The following DYSF variants were observed in gnomAD, a reference collection of about 807,000 sequenced individuals.
DYSF encodes dysferlin.
Under a neutral mutation model 274.9 loss-of-function variants are expected in DYSF, and 212 were observed. The ratio of observed to expected loss-of-function variants is 0.77; its 90% CI spans 0.69 to 0.86. DYSF has a LOEUF of 0.86. Ranked by LOEUF, DYSF falls within the 40% of genes least tolerant of loss-of-function variation. DYSF has a pLI of 0.00. For missense variants in DYSF, 2,666 were observed against 2,783.2 expected (o/e 0.96, Z 0.95); for synonymous variants, 1,091 against 1,078.7 (o/e 1.01, Z -0.22).
At chr2:71,493,905 G>A (rs993200034) in intron 3 of DYSF, among the ~76,000 whole-genome samples, 4 of 149,904 alleles carry the variant, frequency 2.7e-5, no homozygotes, top group African/African-American at 9.8e-5. Context: ...TTTTTTAGAG[G>A]AAAAGAGGAA....
chr2:71,607,786 T>C (rs969057087), intron 36 of DYSF, among the ~76,000 whole-genome samples: 16 of 152,268 alleles, frequency 1.1e-4, no homozygotes, highest in African/African-American at 3.8e-4. Flanking sequence ...GGGGTCAGAC[T>C]TGAAGAGAGC....
At chr2:71,537,357 T>G (rs1306094186) in intron 16 of DYSF, among the ~76,000 whole-genome samples, 2 of 149,956 alleles carry the variant, frequency 1.3e-5, no homozygotes, top group African/African-American at 4.9e-5. Flanking sequence ...GCGATTCTCC[T>G]GCCTCAGCCT....
At chr2:71,636,489 C>T (rs1428325801) in intron 41 of DYSF, among the ~76,000 whole-genome samples, 1 of 148,368 alleles carries the variant, frequency 6.7e-6, no homozygotes, top group Non-Finnish European at 1.5e-5. Context: ...AAGGTGAGTG[C>T]AGGGATTTTG....
In DYSF at chr2:71,453,903, C is replaced by T; in HGVS notation, c.-96C>T. 2.4e-6 allele frequency: 3 copies of T among 1,275,042 alleles called. No homozygotes were observed. The South Asian group carries it at 3.7e-5, about 16-fold the overall frequency. The allele number at this position is 1,275,042 out of a possible 1,614,324, so 79.0% of individuals were successfully genotyped here. A position where few individuals can be genotyped will look rare whatever the true frequency, so the allele number is the denominator to read the frequency against. On this transcript the variant is annotated 5_prime_UTR_variant, in exon 1 of 55. Transcript: ENST00000258104. ...GAGCCGGCCTCGCCCAGCCAGCCCT[C>T]TCCAGCGAGGGGACCCACAAGCGGC... is the stretch of plus-strand genomic sequence containing the variant.
At chr2:71,501,472 G>A (rs2084962785) in intron 3 of DYSF, among the ~76,000 whole-genome samples, 1 of 152,162 alleles carries the variant, frequency 6.6e-6, no homozygotes, top group Admixed American at 6.5e-5. Flanking sequence ...CATTTCAGTG[G>A]CGTTACATGC....
At position 71,467,016 on chromosome 2, in the gene DYSF, C is replaced by T. The variant is rs2081582476; in HGVS notation, c.91+83C>T. ...ACTGGCGGGTCTGAAGCCCCTGCTC[C>T]GGAGCTAACCCTAGTCCAGGCCACA... On this transcript the variant is annotated intron_variant, in intron 1 of 55. Transcript: ENST00000410020. The T allele has an allele frequency of 2.6e-6, 4 of 1,510,280 alleles. No individual in the cohort carries two copies. In the South Asian group the frequency reaches 4.9e-5, roughly 18 times the overall value. The allele number at this position is 1,510,280 out of a possible 1,614,324, so 93.6% of individuals were successfully genotyped here.
intron 17 of DYSF, among the ~76,000 whole-genome samples, chr2:71,545,890 G>A (rs139147776): frequency 3.4e-4 from 52 of 152,266 alleles, no homozygotes; most frequent in African/African-American, 1.2e-3. Context: ...CTCAGGTCAC[G>A]GGCAACCCAG....
intron 1 of DYSF, among the ~76,000 whole-genome samples, chr2:71,468,000 T>C (rs773765809): frequency 3.3e-5 from 5 of 152,218 alleles, no homozygotes; most frequent in Non-Finnish European, 5.9e-5. Flanking sequence ...AAGGGAGATT[T>C]ATGTGTAGCT....
In DYSF at chr2:71,601,507, C is replaced by T. The variant is rs754355332; in HGVS notation, c.3906C>T (p.Ile1302=). Residue 1302 remains isoleucine (I), a synonymous_variant, in exon 35 of 56, where the codon ATC becomes ATT. Coordinates refer to ENST00000410020, the MANE Select transcript of DYSF (RefSeq NM_001130987.2). ...TCTTTTCTTCACTCCAGCCGGCCAT[C>T]CACCATATTCCTGGTTTTGAGGTAA... is the stretch of plus-strand genomic sequence containing the variant. ...FELIQREKPA[I]HHIPGFEVQE... is the part of the protein sequence containing the mutation. The T allele has an allele frequency of 1.9e-6, 3 of 1,614,240 alleles. No homozygotes were observed. The highest frequency in any genetic ancestry group is 1.7e-4 in the Middle Eastern group (1 of 6,060).
rs758604403 is a variant in DYSF at position 71,513,898 on chromosome 2, T to C, written c.736T>C (p.Ser246Pro). Reference protein sequence around the residue: ...RSAPTSRKLLSDKPQDFQIRV... With the variant: ...RSAPTSRKLLPDKPQDFQIRV... The stretch of plus-strand genomic sequence containing the variant: ...TGCGCCTACATCTAGAAAGCTGCTG[T>C]CAGACAAACCGCAGGATTTCCAGGT... Residue 246 changes from serine (S) to proline (P), a missense_variant, in exon 7 of 56, where the codon TCA becomes CCA. Ser to Pro is a moderately conservative substitution (Grantham distance 74, BLOSUM62 -1). Around this residue, in one of 3 missense-constraint regions of DYSF, gnomAD observed 794 missense variants for 777.1 expected, o/e 1.02. Transcript: ENST00000410020. The C allele has an allele frequency of 6.2e-7, 1 of 1,614,196 alleles. No homozygotes were observed. The highest frequency in any genetic ancestry group is 8.5e-7 in the Non-Finnish European group (1 of 1,180,020).
chr2:71,593,175 T>C (rs1454659139), intron 32 of DYSF, among the ~76,000 whole-genome samples: 1 of 139,146 alleles, frequency 7.2e-6, no homozygotes, highest in East Asian at 2.4e-4. Context: ...TCTTGTTGCC[T>C]AGGCTGGAGT....
chr2:71,578,334 G>T (rs1289108954), intron 30 of DYSF, among the ~76,000 whole-genome samples: 1 of 152,142 alleles, frequency 6.6e-6, no homozygotes, highest in East Asian at 1.9e-4. Context: ...GTGCATTCCT[G>T]CTGGGAGGTG....
chr2:71,505,835 T>A (rs1051733915), intron 4 of DYSF, among the ~76,000 whole-genome samples: 4 of 152,178 alleles, frequency 2.6e-5, no homozygotes, highest in Non-Finnish European at 4.4e-5. Flanking sequence ...AAAGCCAGAA[T>A]CGGATCACAA....
chr2:71,587,210 C>T (rs992578238), intron 30 of DYSF, among the ~76,000 whole-genome samples: 1 of 152,154 alleles, frequency 6.6e-6, no homozygotes, highest in Admixed American at 6.5e-5. Flanking sequence ...AGTGGGTTGC[C>T]AGCGCTGCAG....
intron 40 of DYSF, among the ~76,000 whole-genome samples, chr2:71,619,181 T>C (rs1558643764): frequency 1.3e-5 from 2 of 151,956 alleles, no homozygotes; most frequent in African/African-American, 4.8e-5. Flanking sequence ...TTCTGTGGGG[T>C]TCAGGATGCA....
chr2:71,463,054 T>C (rs1328513114), upstream of DYSF, among the ~76,000 whole-genome samples: 1 of 152,202 alleles, frequency 6.6e-6, no homozygotes, highest in East Asian at 1.9e-4. Context: ...CACCCCTTTC[T>C]GCCCAGGAGC....
chr2:71,591,779 C>T (rs143973665), intron 32 of DYSF, among the ~76,000 whole-genome samples: 5 of 152,324 alleles, frequency 3.3e-5, no homozygotes, highest in South Asian at 2.1e-4. Context: ...CACTCTCCTC[C>T]GCGATGTGGG....
chr2:71,612,024 C>T (rs1187645832), intron 38 of DYSF, among the ~76,000 whole-genome samples: 2 of 152,186 alleles, frequency 1.3e-5, no homozygotes, highest in Non-Finnish European at 2.9e-5. Context: ...GAGCTCACCC[C>T]CACAGCCCTC....
At chr2:71,638,375 A>AAAAAGTACCC (rs2152919273) in intron 41 of DYSF, among the ~76,000 whole-genome samples, 1 of 151,942 alleles carries the variant, frequency 6.6e-6, no homozygotes, top group African/African-American at 2.4e-5. Context: ...AAAAAAAAAA[A>AAAAAGTACCC]AAAGTACTGA....
Sources: gnomAD v4.1 joint callset for allele counts (sites outside exome capture counted in the v4.1 genomes callset) on GRCh38, gnomAD v4.1.1 for gene constraint, gnomAD v4.1.1 regional missense constraint, MANE v1.5 for transcripts, NCBI Gene and HGNC (gene_info 2026-07-23, HGNC 2026-07-21) for gene names.